The following ITSN2 variants were observed in gnomAD, a reference collection of about 807,000 sequenced individuals.
ITSN2 encodes the protein intersectin 2, also known as intersectin-2.
ITSN2 carries 156 observed loss-of-function variants against 243.7 expected under a neutral mutation model. That is an observed-to-expected ratio of 0.64 (90% CI 0.56 to 0.73). ITSN2 has a LOEUF of 0.73. ITSN2 is among the 30% of genes least tolerant of loss of function. The pLI is 0.00. For missense variants in ITSN2, 1,801 were observed against 1,996.1 expected (o/e 0.90, Z 1.86); for synonymous variants, 703 against 699.9 (o/e 1.00, Z -0.07).
At chr2:24,348,235 C>T (rs750071718) in intron 1 of ITSN2, among the ~76,000 whole-genome samples, 20 of 140,406 alleles carry the variant, frequency 1.4e-4, no homozygotes, top group African/African-American at 4.3e-4. Context: ...AGTGCAGTGG[C>T]GCGATATCAG....
At chr2:24,256,543 T>A (rs1675080876) in intron 23 of ITSN2, among the ~76,000 whole-genome samples, 1 of 152,214 alleles carries the variant, frequency 6.6e-6, no homozygotes, top group Non-Finnish European at 1.5e-5. Flanking sequence ...TTATAGTACT[T>A]ATTTCCTTGT....
chr2:24,269,058 G>GT (rs34653734), intron 20 of ITSN2, among the ~76,000 whole-genome samples: 240 of 146,560 alleles, frequency 1.6e-3, no homozygotes, highest in African/African-American at 1.3e-3. Context: ...AAACTCTCCT[G>GT]TTTTTTTTTT....
chr2:24,286,437 T>A (rs1369864793), intron 15 of ITSN2, 86 bp from the exon 16 acceptor site: 4 of 1,129,486 alleles, frequency 3.5e-6, no homozygotes, highest in Non-Finnish European at 5.3e-6. Context: ...GTCAGATTGA[T>A]GTAACTAGAC....
At position 24,203,440 on chromosome 2, in the gene ITSN2, C is replaced by T. The variant is rs965511763; in HGVS notation, c.*186G>A. 6.8e-6 allele frequency: 4 copies of T among 588,268 alleles called. No individual in the cohort carries two copies. The highest frequency in any genetic ancestry group is 1.2e-5 in the Non-Finnish European group (4 of 340,070). The allele number at this position is 588,268 out of a possible 1,614,324, so 36.4% of individuals were successfully genotyped here. On this transcript the variant is annotated 3_prime_UTR_variant, in exon 40 of 40. Coordinates refer to ENST00000355123, the MANE Select transcript of ITSN2 (RefSeq NM_006277.3). ...GGCACTGTACTATGGGGTTTGGTTT[C>T]TTTATGGGAAAGGTGTTTGCATAGA...
At chr2:24,335,450 A>G (rs1486574620) in intron 1 of ITSN2, among the ~76,000 whole-genome samples, 1 of 152,176 alleles carries the variant, frequency 6.6e-6, no homozygotes, top group Non-Finnish European at 1.5e-5. Flanking sequence ...CGCCCACCTC[A>G]GCCTCCTGAG....
chr2:24,359,281 A>G (rs1420044876), intron 1 of ITSN2, among the ~76,000 whole-genome samples: 4 of 152,240 alleles, frequency 2.6e-5, no homozygotes, highest in Admixed American at 2.0e-4. Flanking sequence ...TTAAACTACA[A>G]GAGCTATGCT....
At chr2:24,319,128 T>A (rs1036696949) in intron 2 of ITSN2, among the ~76,000 whole-genome samples, 1 of 152,102 alleles carries the variant, frequency 6.6e-6, no homozygotes, top group Admixed American at 6.5e-5. Context: ...GCCAAAAAGG[T>A]TGGGGACCAG....
At chr2:24,227,774 CG>C (rs1200107930) in intron 29 of ITSN2, among the ~76,000 whole-genome samples, 2 of 152,078 alleles carry the variant, frequency 1.3e-5, no homozygotes, top group South Asian at 4.2e-4. Flanking sequence ...AAAAAATTAG[CG>C]GGGCATGGTG....
At chr2:24,259,815 C>G (rs1198273857) in intron 22 of ITSN2, among the ~76,000 whole-genome samples, 3 of 152,286 alleles carry the variant, frequency 2.0e-5, no homozygotes, top group South Asian at 2.1e-4. Flanking sequence ...ATATATACCC[C>G]CTACAGACCT....
At chr2:24,208,383 A>G in intron 36 of ITSN2, 64 bp from the exon 37 acceptor site, 1 of 1,200,174 alleles carries the variant, frequency 8.3e-7, no homozygotes, top group Non-Finnish European at 1.2e-6. Flanking sequence ...GTGGAGCCCC[A>G]GAGCTCTGCA....
intron 9 of ITSN2, among the ~76,000 whole-genome samples, chr2:24,303,025 G>A (rs1040973142): frequency 2.0e-5 from 3 of 152,140 alleles, no homozygotes; most frequent in African/African-American, 7.2e-5. Context: ...ATACTGCACT[G>A]CCAGCTGTAG....
intron 31 of ITSN2, among the ~76,000 whole-genome samples, chr2:24,216,673 G>A (rs1284203055): frequency 6.6e-6 from 1 of 152,188 alleles, no homozygotes; most frequent in African/African-American, 2.4e-5. Context: ...AGGATTGCTT[G>A]AATCCAGGAG....
intron 1 of ITSN2, among the ~76,000 whole-genome samples, chr2:24,351,105 C>T (rs1234947072): frequency 6.6e-6 from 1 of 152,186 alleles, no homozygotes; most frequent in Non-Finnish European, 1.5e-5. Context: ...AACCTCCCCA[C>T]CTCCACCTCC....
At position 24,251,413 on chromosome 2, in the gene ITSN2, G is replaced by A. The variant is rs527646369; in HGVS notation, c.3120+932C>T. Among the ~76,000 whole-genome samples, 2 of 3,624 alleles carry A rather than the reference G, an allele frequency of 5.5e-4. 1 individual carries two copies. Among genetic ancestry groups the A allele is most frequent in the African/African-American group, 2.4e-3 (2 of 828 alleles). 2.4% of individuals were successfully genotyped at this position (3,624 alleles called of 152,430 possible). On this transcript the variant is annotated intron_variant, in intron 25 of 39. Transcript: ENST00000355123. ...TATATATGTGTATATATATATGTGT[G>A]TATATATATGTGTATATATATGTGT...
chr2:24,330,383 T>C, intron 1 of ITSN2: 1 of 562,434 alleles, frequency 1.8e-6, no homozygotes, highest in Non-Finnish European at 3.4e-6. Flanking sequence ...GCTTACCTCC[T>C]GCCACCGTTG....
intron 23 of ITSN2, among the ~76,000 whole-genome samples, chr2:24,255,910 G>C (rs555913518): frequency 1.3e-5 from 2 of 152,202 alleles, no homozygotes; most frequent in South Asian, 2.1e-4. Context: ...AAATTTAGCC[G>C]GGCATGGTTG....
chr2:24,280,259 T>C (rs1473742383), intron 17 of ITSN2, among the ~76,000 whole-genome samples: 1 of 152,222 alleles, frequency 6.6e-6, no homozygotes, highest in Non-Finnish European at 1.5e-5. Context: ...CCCGGTGCTC[T>C]ACTATCACAA....
rs2303294 is a variant in ITSN2 at position 24,209,751 on chromosome 2, A to G, written c.4473+67T>C. 822,089 of 1,259,056 alleles carry G rather than the reference A, an allele frequency of 0.65. 270,395 individuals are homozygous for G. The highest frequency in any genetic ancestry group is 0.79 in the East Asian group (33,841 of 43,092). The allele number at this position is 1,259,056 out of a possible 1,614,324, so 78.0% of individuals were successfully genotyped here. Reference sequence around the variant, plus strand: ...TAAGGCCAGCTCAGGGTCTGCCAGGAAGGCCTTAAGATAGAGGCAACACCT... The same window carrying G: ...TAAGGCCAGCTCAGGGTCTGCCAGGGAGGCCTTAAGATAGAGGCAACACCT... On this transcript the variant is annotated intron_variant, in intron 35 of 39. Coordinates refer to ENST00000355123, the MANE Select transcript of ITSN2 (RefSeq NM_006277.3).
chr2:24,361,337 C>T (rs1334375801), upstream of ITSN2, among the ~76,000 whole-genome samples: 1 of 152,156 alleles, frequency 6.6e-6, no homozygotes, highest in Non-Finnish European at 1.5e-5. Flanking sequence ...ACTCAAGCCG[C>T]CACCGTATCC....
Sources: allele counts gnomAD v4.1 joint callset (sites outside exome capture counted in the v4.1 genomes callset), GRCh38; gene constraint gnomAD v4.1.1; transcripts MANE v1.5; gene names NCBI Gene and HGNC (gene_info 2026-07-23, HGNC 2026-07-21).